Variants in RRP1B observed in about 807,000 individuals in gnomAD.
The protein encoded by RRP1B is ribosomal RNA processing protein 1 homolog B.
A neutral mutation model predicts 80.2 loss-of-function variants in RRP1B; 56 were observed. The observed-to-expected ratio is 0.70, with a 90% CI of 0.56 to 0.87. The LOEUF (loss-of-function observed/expected upper bound fraction) is 0.87, where lower values mean the gene tolerates loss of function less well. Among genes scored for constraint, RRP1B ranks in the 40% least tolerant of loss-of-function variants. The probability of loss-of-function intolerance (pLI) is 0.00; values close to 1 mark genes in which losing one functional copy is unlikely to be tolerated. For synonymous variants in RRP1B, 351 were observed against 357.6 expected (o/e 0.98, Z 0.21); for missense variants, 807 against 939.8 (o/e 0.86, Z 1.85).
intron 8 of RRP1B, among the ~76,000 whole-genome samples, chr21:43,681,329 A>G (rs1050624248): frequency 2.0e-5 from 3 of 152,088 alleles, no homozygotes; most frequent in Admixed American, 6.5e-5. Context: ...TTTTCTTTTT[A>G]ATTTTTAGAC....
chr21:43,673,490 C>T (rs944457443), intron 3 of RRP1B, among the ~76,000 whole-genome samples: 11 of 151,820 alleles, frequency 7.2e-5, no homozygotes, highest in African/African-American at 9.7e-5. Context: ...AAATATTAGC[C>T]GGGTGTGGTG....
Position 43,687,607 on chromosome 21 carries a change from T to C in RRP1B, c.1233T>C (p.Pro411=), listed in dbSNP as rs1040164314. ...AGAAGAAGAAGCACCACCTGCAGCC[T>C]GAAAATCCAGGCCCAGGGGGTGCAG... ...RKKKKKHHLQ[P]ENPGPGGAAP... Residue 411 remains proline, a synonymous_variant, in exon 13 of 16, where the codon CCT becomes CCC. Transcript: ENST00000340648. 2.6e-6 allele frequency: 4 copies of C among 1,521,834 alleles called. No homozygotes were observed. In the East Asian group the frequency reaches 6.8e-5, roughly 26 times the overall value. 94.3% of individuals were successfully genotyped at this position (1,521,834 alleles called of 1,614,324 possible). A position where few individuals can be genotyped will look rare whatever the true frequency, so the allele number is the denominator to read the frequency against.
rs764690599 is a variant in RRP1B, at chr21:43,684,610, C to T, written c.949C>T (p.Pro317Ser). The change falls in exon 10 of 16, where the codon CCC becomes TCC. Residue 317 changes from proline to serine, a missense_variant. By Grantham distance (74) the Pro-to-Ser change is moderately conservative (BLOSUM62 -1). Transcript: ENST00000340648. Reference sequence around the variant, plus strand: ...GGAAATGACCAGCAGGAAGAACACGCCCCACTTCAACAGGAAGCGCCTCTC... The same window carrying T: ...GGAAATGACCAGCAGGAAGAACACGTCCCACTTCAACAGGAAGCGCCTCTC... ...LLEMTSRKNTPHFNRKRLSKL... is the reference protein window; with the variant it reads ...LLEMTSRKNTSHFNRKRLSKL... The T allele has an allele frequency of 1.2e-6, 2 of 1,614,162 alleles. No individual in the cohort carries two copies. The highest frequency in any genetic ancestry group is 1.7e-6 in the Non-Finnish European group (2 of 1,180,020).
At chr21:43,673,847 T>G in intron 3 of RRP1B, 23 bp from the exon 4 acceptor site, 1 of 1,571,678 alleles carries the variant, frequency 6.4e-7, no homozygotes. Flanking sequence ...AGCCAAGTAT[T>G]TAGAGCCTTT....
chr21:43,664,915 G>C (rs542070041), intron 1 of RRP1B, among the ~76,000 whole-genome samples: 3 of 149,780 alleles, frequency 2.0e-5, no homozygotes, highest in African/African-American at 7.5e-5. Flanking sequence ...ACCCGTCCCC[G>C]TGATTCAGTT....
At position 43,695,220 on chromosome 21, in the gene RRP1B, A is replaced by G. The variant is rs1271192527; in HGVS notation, c.*1837A>G. 1 of 151,634 alleles carries G rather than the reference A, an allele frequency of 6.6e-6. No homozygotes were observed. Among genetic ancestry groups the G allele is most frequent in the East Asian group, 1.9e-4 (1 of 5,172 alleles). 9.4% of individuals were successfully genotyped at this position (151,634 alleles called of 1,614,324 possible). On this transcript the variant is annotated 3_prime_UTR_variant, in exon 16 of 16. Transcript: ENST00000340648. ...TTCTTCCTAGAATATTTTTCTAACA[A>G]TTTTTATTTCAGCTTTAAAGATGGG...
At chr21:43,692,862 G>A (rs1046426510) in intron 15 of RRP1B, among the ~76,000 whole-genome samples, 1 of 152,148 alleles carries the variant, frequency 6.6e-6, no homozygotes, top group Non-Finnish European at 1.5e-5. Context: ...ATTTGTCCCA[G>A]ACACAAATGC....
At chr21:43,674,404 A>G (rs2083012686) in intron 4 of RRP1B, among the ~76,000 whole-genome samples, 2 of 152,116 alleles carry the variant, frequency 1.3e-5, no homozygotes, top group Admixed American at 1.3e-4. Flanking sequence ...TGATCTGCCC[A>G]CCTCAGCCTC....
At chr21:43,685,726 T>C in intron 10 of RRP1B, 44 bp from the exon 11 acceptor site, 1 of 1,341,904 alleles carries the variant, frequency 7.5e-7, no homozygotes, top group Non-Finnish European at 1.0e-6. Flanking sequence ...TTTATGAACA[T>C]TTGTTATTTT....
At chr21:43,677,943 G>A (rs1043380185) in intron 8 of RRP1B, among the ~76,000 whole-genome samples, 2 of 152,232 alleles carry the variant, frequency 1.3e-5, no homozygotes, top group African/African-American at 2.4e-5. Flanking sequence ...TTTTGCAGCT[G>A]TGGATTGTGC....
chr21:43,659,718 C>A lies in RRP1B; in HGVS notation c.54C>A (p.Ser18=). 6.5e-7 allele frequency: 1 copy of A among 1,532,640 alleles called. No homozygotes were observed. The highest frequency in any genetic ancestry group is 8.8e-7 in the Non-Finnish European group (1 of 1,138,720). The allele number at this position is 1,532,640 out of a possible 1,614,324, so 94.9% of individuals were successfully genotyped here. The change falls in exon 1 of 16, where the codon TCC becomes TCA. Residue 18 remains serine (S), a synonymous_variant. Transcript: ENST00000340648. The surrounding 1 kb of genome is among the most constrained non-coding windows in gnomAD (Gnocchi z 4.2). ...AEIQFAQRLA[S]SEKGIRDRAV... ...TCCAATTTGCCCAGCGGCTGGCGTC[C>A]AGCGAGAAGGGCATCCGGGACCGAG...
chr21:43,660,918 G>A (rs1017389334), intron 1 of RRP1B, among the ~76,000 whole-genome samples: 1 of 152,144 alleles, frequency 6.6e-6, no homozygotes, highest in African/African-American at 2.4e-5. Context: ...ACTCTTGAGT[G>A]AGCCCATACA....
At chr21:43,684,319 C>T (rs1601759269) in intron 9 of RRP1B, among the ~76,000 whole-genome samples, 1 of 152,088 alleles carries the variant, frequency 6.6e-6, no homozygotes, top group African/African-American at 2.4e-5. Context: ...GATCCACCCG[C>T]CTCAGCCTCC....
intron 10 of RRP1B, among the ~76,000 whole-genome samples, chr21:43,685,366 T>C (rs975560843): frequency 1.3e-5 from 2 of 152,238 alleles, no homozygotes; most frequent in African/African-American, 4.8e-5. Context: ...TTTGTTCTAA[T>C]GCACAAAAAT....
Position 43,685,734 on chromosome 21 carries a change from T to C in RRP1B, c.990-36T>C, listed in dbSNP as rs762097967. 1.1e-5 allele frequency: 15 copies of C among 1,368,884 alleles called. No individual in the cohort carries two copies. In the Admixed American group the frequency reaches 3.3e-4, roughly 30 times the overall value. 84.8% of individuals were successfully genotyped at this position (1,368,884 alleles called of 1,614,324 possible). A position where few individuals can be genotyped will look rare whatever the true frequency, so the allele number is the denominator to read the frequency against. On this transcript the variant is annotated intron_variant, in intron 10 of 15. Transcript: ENST00000340648. Reference sequence around the variant, plus strand: ...GGATTTCTTTATGAACATTTGTTATTTTTTTATTTTTTATTTTTTATTTTT... The same window carrying C: ...GGATTTCTTTATGAACATTTGTTATCTTTTTATTTTTTATTTTTTATTTTT...
chr21:43,679,163 A>G (rs1321752006), intron 8 of RRP1B, among the ~76,000 whole-genome samples: 1 of 151,502 alleles, frequency 6.6e-6, no homozygotes, highest in East Asian at 1.9e-4. Flanking sequence ...ATGGCTTTAT[A>G]GTATAGTTTG....
At chr21:43,663,199 T>C (rs1257805172) in intron 1 of RRP1B, among the ~76,000 whole-genome samples, 1 of 152,172 alleles carries the variant, frequency 6.6e-6, no homozygotes. Context: ...TTGGATTTGC[T>C]CATTTCAAAA....
intron 8 of RRP1B, among the ~76,000 whole-genome samples, chr21:43,681,858 G>A (rs1314608108): frequency 2.6e-5 from 4 of 152,150 alleles, no homozygotes; most frequent in Admixed American, 6.5e-5. Flanking sequence ...GGCTGAGCTG[G>A]GAGAATCAGT....
intron 8 of RRP1B, among the ~76,000 whole-genome samples, chr21:43,679,935 A>G (rs1438944387): frequency 6.6e-6 from 1 of 152,034 alleles, no homozygotes; most frequent in African/African-American, 2.4e-5. Flanking sequence ...TTGTTTTGGT[A>G]GGGGTTTTTT....
Sources: gnomAD v4.1 joint callset for allele counts (sites outside exome capture counted in the v4.1 genomes callset) on GRCh38, gnomAD v4.1.1 for gene constraint, Gnocchi (gnomAD v3.1) non-coding constraint, MANE v1.5 for transcripts, NCBI Gene and HGNC (gene_info 2026-07-23, HGNC 2026-07-21) for gene names.